The following UIMC1 variants were observed in gnomAD, a reference collection of about 807,000 sequenced individuals.
The protein encoded by UIMC1 is BRCA1-A complex subunit RAP80.
Under a neutral mutation model 84.9 loss-of-function variants are expected in UIMC1, and 42 were observed. That is an observed-to-expected ratio of 0.49 (90% CI 0.39 to 0.64). The LOEUF is 0.64. Among genes scored for constraint, UIMC1 ranks in the 30% least tolerant of loss-of-function variants. The pLI, the probability that UIMC1 is intolerant of heterozygous loss-of-function variation, is 0.00. For missense variants in UIMC1, 825 were observed against 847.6 expected (o/e 0.97, Z 0.33); for synonymous variants, 281 against 293.0 (o/e 0.96, Z 0.42).
intron 10 of UIMC1, among the ~76,000 whole-genome samples, chr5:176,918,710 C>T (rs141106402): frequency 4.6e-4 from 70 of 152,308 alleles, no homozygotes; most frequent in Admixed American, 2.6e-3. Flanking sequence ...CATCTTTTCA[C>T]GATTACCCTG....
chr5:177,010,377 C>T (rs1251026481), upstream of UIMC1, among the ~76,000 whole-genome samples: 2 of 152,130 alleles, frequency 1.3e-5, no homozygotes, highest in Non-Finnish European at 2.9e-5. Flanking sequence ...ATGCCTAGCA[C>T]AGAGTAAAGA....
chr5:176,946,108 G>T lies in UIMC1; in HGVS notation c.1444-2620C>A, dbSNP rs144082610. Among the ~76,000 whole-genome samples the T allele has an allele frequency of 9.1e-3, 1,385 of 152,184 alleles. 8 individuals are homozygous for T. Among genetic ancestry groups the T allele is most frequent in the South Asian group, 0.025 (121 of 4,822 alleles). ...GCCCTCACTAAACTTAATAATAAATGCTGGTATATTCAGTGCATTGTTGGC... is the reference window on the plus strand; with the variant it reads ...GCCCTCACTAAACTTAATAATAAATTCTGGTATATTCAGTGCATTGTTGGC... On this transcript the variant is annotated intron_variant, in intron 9 of 14. Transcript: ENST00000511320.
chr5:176,917,115 T>C (rs1192641208), intron 10 of UIMC1, among the ~76,000 whole-genome samples: 1 of 152,170 alleles, frequency 6.6e-6, no homozygotes, highest in Non-Finnish European at 1.5e-5. Context: ...AGTTGTGTCT[T>C]TTCCTGCTAA....
intron 8 of UIMC1, 63 bp from the exon 9 acceptor site, chr5:176,951,640 C>T: frequency 3.2e-6 from 4 of 1,250,444 alleles, no homozygotes; most frequent in Non-Finnish European, 4.4e-6. Context: ...ATTAAAAAAA[C>T]AAACATGCCT....
At chr5:176,945,107 T>C (rs1307572308) in intron 9 of UIMC1, among the ~76,000 whole-genome samples, 1 of 152,216 alleles carries the variant, frequency 6.6e-6, no homozygotes, top group East Asian at 1.9e-4. Context: ...AAAAAGCCTC[T>C]TCCCATTCCA....
intron 1 of UIMC1, among the ~76,000 whole-genome samples, chr5:177,003,783 A>G (rs1398112652): frequency 1.3e-5 from 2 of 151,862 alleles, no homozygotes; most frequent in African/African-American, 2.4e-5. Context: ...CACTGGGAAA[A>G]CCTCTCACAC....
intron 10 of UIMC1, among the ~76,000 whole-genome samples, chr5:176,930,689 C>T (rs773343508): frequency 4.6e-5 from 7 of 152,200 alleles, no homozygotes; most frequent in Non-Finnish European, 1.0e-4. Flanking sequence ...CCTTTATATA[C>T]GGCCGTTAGA....
chr5:176,917,892 G>C (rs1761213407), intron 10 of UIMC1, among the ~76,000 whole-genome samples: 1 of 152,210 alleles, frequency 6.6e-6, no homozygotes, highest in Admixed American at 6.5e-5. Flanking sequence ...CTGGAAGGCA[G>C]AGGCAGTAGT....
intron 10 of UIMC1, among the ~76,000 whole-genome samples, chr5:176,936,880 C>T (rs543066023): frequency 6.6e-6 from 1 of 152,272 alleles, no homozygotes; most frequent in Non-Finnish European, 1.5e-5. Flanking sequence ...CTCTGCTTTA[C>T]TTTTTTCTCT....
chr5:176,972,670 A>C (rs982653579), intron 3 of UIMC1, among the ~76,000 whole-genome samples: 1 of 152,102 alleles, frequency 6.6e-6, no homozygotes, highest in African/African-American at 2.4e-5. Context: ...CGGGAGGCGG[A>C]GGTTGCAGCG....
At chr5:176,976,960 C>A (rs148594446) in intron 2 of UIMC1, among the ~76,000 whole-genome samples, 1 of 152,082 alleles carries the variant, frequency 6.6e-6, no homozygotes, top group Non-Finnish European at 1.5e-5. Context: ...CAGTGGCTCA[C>A]GCCTGTAATC....
At chr5:176,936,621 C>G (rs1053242585) in intron 10 of UIMC1, among the ~76,000 whole-genome samples, 1 of 152,224 alleles carries the variant, frequency 6.6e-6, no homozygotes, top group African/African-American at 2.4e-5. Context: ...CGTTACCTCT[C>G]TGGTTTCACT....
chr5:176,929,994 A>G (rs1762893376), intron 10 of UIMC1, among the ~76,000 whole-genome samples: 1 of 152,234 alleles, frequency 6.6e-6, no homozygotes, highest in South Asian at 2.1e-4. Flanking sequence ...TCACTAGTAA[A>G]TGTTTACCAA....
At chr5:176,941,421 C>G (rs929028239) in intron 10 of UIMC1, among the ~76,000 whole-genome samples, 2 of 151,790 alleles carry the variant, frequency 1.3e-5, no homozygotes, top group Non-Finnish European at 2.9e-5. Flanking sequence ...TAAATGTAAG[C>G]CATTATTATT....
At chr5:177,012,472 C>T (rs1008089658) in intron 1 of UIMC1, among the ~76,000 whole-genome samples, 1 of 152,106 alleles carries the variant, frequency 6.6e-6, no homozygotes, top group Non-Finnish European at 1.5e-5. Flanking sequence ...CTGGGTGGAT[C>T]ACTTGAGGCC....
chr5:177,021,738 T>C (rs1052939488), intron 1 of UIMC1, among the ~76,000 whole-genome samples: 2 of 152,052 alleles, frequency 1.3e-5, no homozygotes, highest in African/African-American at 4.8e-5. Context: ...CAGCAACCTC[T>C]GCCTCCCGGG....
At chr5:176,913,265 T>C (rs892310931) in intron 10 of UIMC1, among the ~76,000 whole-genome samples, 1 of 152,314 alleles carries the variant, frequency 6.6e-6, no homozygotes, top group Admixed American at 6.5e-5. Flanking sequence ...CTCTAATCCT[T>C]ATGATGACCC....
rs534094282 is a variant in UIMC1, at chr5:176,977,215, T to C, written c.148-1735A>G. Among the ~76,000 whole-genome samples, 12 of 140,700 alleles carry C rather than the reference T, an allele frequency of 8.5e-5. No homozygotes were observed. In the South Asian group the frequency reaches 2.7e-3, roughly 32 times the overall value. The allele number at this position is 140,700 out of a possible 152,430, so 92.3% of individuals were successfully genotyped here. Reference sequence around the variant, plus strand: ...TACAGCCTGGGGCAAGAGAGTAAGATTCTGTCTCAAAAAAAAAAAAAAAAA... The same window carrying C: ...TACAGCCTGGGGCAAGAGAGTAAGACTCTGTCTCAAAAAAAAAAAAAAAAA... On this transcript the variant is annotated intron_variant, in intron 2 of 14. Coordinates refer to ENST00000511320, the MANE Select transcript of UIMC1 (RefSeq NM_001199298.2).
intron 10 of UIMC1, among the ~76,000 whole-genome samples, chr5:176,935,551 G>A (rs1763624108): frequency 6.6e-6 from 1 of 152,044 alleles, no homozygotes; most frequent in African/African-American, 2.4e-5. Flanking sequence ...ATGAAACCTA[G>A]GCTATTTCAC....
Sources: allele counts gnomAD v4.1 joint callset (sites outside exome capture counted in the v4.1 genomes callset), GRCh38; gene constraint gnomAD v4.1.1; transcripts MANE v1.5; gene names NCBI Gene and HGNC (gene_info 2026-07-23, HGNC 2026-07-21).